The following NPAS2 variants were observed in gnomAD, a reference collection of about 807,000 sequenced individuals.
NPAS2 encodes neuronal PAS domain protein 2.
A neutral mutation model predicts 107.5 loss-of-function variants in NPAS2; 23 were observed. The observed-to-expected ratio is 0.21, with a 90% CI of 0.15 to 0.30. NPAS2 has a LOEUF of 0.30. Among genes scored for constraint, NPAS2 ranks in the 10% least tolerant of loss-of-function variants. The pLI is 1.00. For missense variants in NPAS2, 756 were observed against 1,043.3 expected, an observed-to-expected ratio of 0.72 and a Z score of 3.79; for synonymous variants, 403 against 417.5, an observed-to-expected ratio of 0.97 and a Z score of 0.42.
At chr2:100,981,150 A>G (rs1408472261) in intron 15 of NPAS2, among the ~76,000 whole-genome samples, 3 of 151,680 alleles carry the variant, frequency 2.0e-5, no homozygotes, top group African/African-American at 7.3e-5. Flanking sequence ...CTGTTTCTCA[A>G]CTCTCCTGCT....
chr2:100,945,148 T>C (rs1368874683), intron 5 of NPAS2, among the ~76,000 whole-genome samples: 1 of 152,076 alleles, frequency 6.6e-6, no homozygotes, highest in Non-Finnish European at 1.5e-5. Flanking sequence ...AGGATCCTGG[T>C]AGAGTTTCGT....
chr2:100,979,176 T>TA (rs1368707086), intron 15 of NPAS2, among the ~76,000 whole-genome samples: 1 of 151,988 alleles, frequency 6.6e-6, no homozygotes, highest in African/African-American at 2.4e-5. Flanking sequence ...AAGATTGGTG[T>TA]AAAAAAGCTA....
chr2:100,978,509 T>C (rs985127965), intron 15 of NPAS2, among the ~76,000 whole-genome samples: 1 of 149,596 alleles, frequency 6.7e-6, no homozygotes, highest in Non-Finnish European at 1.5e-5. Flanking sequence ...ACTATAAATA[T>C]CACATTTGTT....
chr2:100,951,449 G>A (rs560141219), intron 7 of NPAS2, among the ~76,000 whole-genome samples: 1 of 152,298 alleles, frequency 6.6e-6, no homozygotes, highest in South Asian at 2.1e-4. Flanking sequence ...TCCATCAGTG[G>A]ATGAATGGAT....
At chr2:100,871,862 G>A (rs1235184522) in intron 1 of NPAS2, among the ~76,000 whole-genome samples, 2 of 152,058 alleles carry the variant, frequency 1.3e-5, no homozygotes, top group Non-Finnish European at 2.9e-5. Flanking sequence ...TTAGTTAGAC[G>A]CTTAAAGTCT....
intron 1 of NPAS2, among the ~76,000 whole-genome samples, chr2:100,844,725 TAG>T (rs1348407655): frequency 6.6e-6 from 1 of 152,230 alleles, no homozygotes; most frequent in Non-Finnish European, 1.5e-5. Flanking sequence ...TACTTACTAC[TAG>T]AAAGTGAGAT....
intron 11 of NPAS2, among the ~76,000 whole-genome samples, chr2:100,969,517 C>T (rs1444477592): frequency 5.3e-5 from 8 of 152,070 alleles, no homozygotes; most frequent in Admixed American, 2.6e-4. Context: ...TCTATGTTCC[C>T]GCAAAGGACA....
chr2:100,990,723 A>G (rs1678062907), intron 18 of NPAS2, 57 bp from the exon 19 acceptor site: 7 of 1,464,536 alleles, frequency 4.8e-6, no homozygotes, highest in South Asian at 3.4e-5. Flanking sequence ...TGCCACGACC[A>G]GTGGGTCTGT....
At chr2:100,866,943 G>A (rs893771635) in intron 1 of NPAS2, among the ~76,000 whole-genome samples, 3 of 152,154 alleles carry the variant, frequency 2.0e-5, no homozygotes, top group African/African-American at 7.2e-5. Context: ...CTTGTTCTTT[G>A]GGGTGACATT....
chr2:100,901,586 C>T (rs1681781803), intron 1 of NPAS2: 2 of 981,106 alleles, frequency 2.0e-6, no homozygotes, highest in Non-Finnish European at 2.4e-6. Context: ...AAAGGAGATG[C>T]AGCAGGAGAT....
chr2:100,904,459 T>G (rs1404302968), intron 1 of NPAS2, among the ~76,000 whole-genome samples: 1 of 152,190 alleles, frequency 6.6e-6, no homozygotes. Context: ...TTCTGACTTT[T>G]CCAGAAGTTA....
intron 16 of NPAS2, chr2:100,983,138 G>A (rs1413470627): frequency 1.3e-5 from 2 of 152,258 alleles, no homozygotes; most frequent in East Asian, 3.9e-4. Flanking sequence ...GCTAACCTTG[G>A]CGTCTGCCCT....
chr2:100,839,574 G>A (rs188003314), intron 1 of NPAS2, among the ~76,000 whole-genome samples: 2 of 152,170 alleles, frequency 1.3e-5, no homozygotes, highest in East Asian at 1.9e-4. Context: ...AATGAAATAC[G>A]TGTTAATTGA....
intron 1 of NPAS2, among the ~76,000 whole-genome samples, chr2:100,823,111 G>A (rs564637246): frequency 2.6e-5 from 4 of 152,146 alleles, no homozygotes; most frequent in Non-Finnish European, 5.9e-5. Flanking sequence ...GAGCTGAATT[G>A]TTGGTGGTCA....
At chr2:100,919,072 G>T (rs144807756) in intron 2 of NPAS2, among the ~76,000 whole-genome samples, 1 of 152,316 alleles carries the variant, frequency 6.6e-6, no homozygotes, top group Non-Finnish European at 1.5e-5. Flanking sequence ...AAGGCACACG[G>T]TATTGACAGA....
At chr2:100,852,163 A>AG (rs1558807999) in intron 1 of NPAS2, among the ~76,000 whole-genome samples, 4 of 151,924 alleles carry the variant, frequency 2.6e-5, no homozygotes, top group African/African-American at 9.7e-5. Context: ...TTGGGAGGTC[A>AG]AGGCGGGCGG....
intron 2 of NPAS2, among the ~76,000 whole-genome samples, chr2:100,905,093 A>G (rs375555549): frequency 3.3e-5 from 5 of 152,248 alleles, no homozygotes; most frequent in South Asian, 4.1e-4. Flanking sequence ...CTGCTTTTCC[A>G]GGACAGACAC....
intron 1 of NPAS2, among the ~76,000 whole-genome samples, chr2:100,844,429 A>G (rs2104439822): frequency 1.3e-5 from 2 of 152,282 alleles, no homozygotes; most frequent in Middle Eastern, 3.4e-3. Context: ...ATGTTACAGA[A>G]AAGTTCACCT....
At chr2:100,916,398 A>G (rs1231616316) in intron 2 of NPAS2, among the ~76,000 whole-genome samples, 2 of 152,198 alleles carry the variant, frequency 1.3e-5, no homozygotes, top group African/African-American at 4.8e-5. Flanking sequence ...GGGTAAAAGT[A>G]AAACTATGGA....
Sources: allele counts gnomAD v4.1 joint callset (sites outside exome capture counted in the v4.1 genomes callset), GRCh38; gene constraint gnomAD v4.1.1; transcripts MANE v1.5; gene names NCBI Gene and HGNC (gene_info 2026-07-23, HGNC 2026-07-21).